CSTPP1: variants seen among roughly 807,000 people sequenced by gnomAD.
The protein encoded by CSTPP1 is UPF0705 protein C11orf49.
chr11:47,119,602 CTTTTTTTT>C, the CSTPP1 span, among the ~76,000 whole-genome samples: 1 of 61,904 alleles, frequency 1.6e-5, no homozygotes, highest in Admixed American at 2.1e-4. Context: ...CTGCCCACTT[CTTTTTTTT>C]TTTTTTTTTT....
chr11:46,997,302 A>G, the CSTPP1 span, among the ~76,000 whole-genome samples: 21 of 152,040 alleles, frequency 1.4e-4, no homozygotes, highest in African/African-American at 5.1e-4. Flanking sequence ...CATTTCATTC[A>G]TTTGATCTTC....
chr11:46,971,459 A>G, the CSTPP1 span, among the ~76,000 whole-genome samples: 1 of 152,244 alleles, frequency 6.6e-6, no homozygotes, highest in Non-Finnish European at 1.5e-5. Context: ...AAATGAGCAT[A>G]TCTTTTGATC....
chr11:47,064,821 C>T, the CSTPP1 span, among the ~76,000 whole-genome samples: 15 of 151,366 alleles, frequency 9.9e-5, no homozygotes, highest in Admixed American at 5.3e-4. Context: ...CTCAGCTCAC[C>T]GCAACCTCCA....
the CSTPP1 span, among the ~76,000 whole-genome samples, chr11:47,001,044 C>T: frequency 4.6e-5 from 7 of 152,180 alleles, no homozygotes; most frequent in Non-Finnish European, 8.8e-5. Flanking sequence ...GGGAAGTCCT[C>T]TTGGAAGAGA....
the CSTPP1 span, among the ~76,000 whole-genome samples, chr11:47,022,635 G>T: frequency 1.3e-5 from 2 of 151,950 alleles, no homozygotes; most frequent in Non-Finnish European, 2.9e-5. Flanking sequence ...CTCCCAAAGT[G>T]CTGGGATTAT....
At chr11:46,951,779 C>T in the CSTPP1 span, among the ~76,000 whole-genome samples, 1 of 152,178 alleles carries the variant, frequency 6.6e-6, no homozygotes, top group African/African-American at 2.4e-5. Flanking sequence ...ATATAGATAG[C>T]AGTTAGTGAA....
the CSTPP1 span, among the ~76,000 whole-genome samples, chr11:47,060,502 T>G: frequency 2.6e-5 from 4 of 152,028 alleles, no homozygotes; most frequent in South Asian, 2.1e-4. Context: ...CCTCCCAAAG[T>G]GCTGATTACA....
chr11:46,973,639 G>A, the CSTPP1 span, among the ~76,000 whole-genome samples: 1 of 152,256 alleles, frequency 6.6e-6, no homozygotes, highest in South Asian at 2.1e-4. Context: ...TCCCATTTAA[G>A]TACTTTCTAG....
the CSTPP1 span, among the ~76,000 whole-genome samples, chr11:47,022,061 T>G: frequency 6.6e-6 from 1 of 151,394 alleles, no homozygotes; most frequent in Non-Finnish European, 1.5e-5. Context: ...ATCACGTAAG[T>G]CATATATGTT....
chr11:47,155,062 C>A, the CSTPP1 span: 2 of 899,694 alleles, frequency 2.2e-6, no homozygotes, highest in Non-Finnish European at 3.7e-6. Flanking sequence ...GGCCCAGGAA[C>A]AGCTCTCTCT....
the CSTPP1 span, among the ~76,000 whole-genome samples, chr11:46,998,309 A>G: frequency 1.3e-5 from 2 of 152,184 alleles, no homozygotes; most frequent in African/African-American, 2.4e-5. Flanking sequence ...GCTGAGCTGT[A>G]GTGAACCAAC....
the CSTPP1 span, among the ~76,000 whole-genome samples, chr11:47,065,843 G>A: frequency 9.2e-3 from 1,398 of 151,766 alleles, 13 homozygotes; most frequent in Admixed American, 0.015. Context: ...ACCCGGGTTC[G>A]AGCAATTCAC....
chr11:47,031,256 G>T, the CSTPP1 span, among the ~76,000 whole-genome samples: 3 of 152,136 alleles, frequency 2.0e-5, no homozygotes, highest in African/African-American at 4.8e-5. Context: ...CTTTTTCTGT[G>T]CAAACAGCGT....
chr11:47,052,170 G>A, the CSTPP1 span: 1 of 413,246 alleles, frequency 2.4e-6, no homozygotes, highest in Non-Finnish European at 4.3e-6. Flanking sequence ...AAGGTGGGAA[G>A]CACTCAGAGG....
the CSTPP1 span, among the ~76,000 whole-genome samples, chr11:47,004,004 G>A: frequency 6.6e-6 from 1 of 152,000 alleles, no homozygotes; most frequent in South Asian, 2.1e-4. Flanking sequence ...TTCATTGTGT[G>A]TTGTTCTCCT....
At chr11:47,147,688 A>C in the CSTPP1 span, among the ~76,000 whole-genome samples, 3 of 152,194 alleles carry the variant, frequency 2.0e-5, no homozygotes, top group African/African-American at 7.2e-5. Flanking sequence ...AAGTGGCTGC[A>C]GGTGGTCTCG....
At chr11:47,157,844 C>T in the CSTPP1 span, 1 of 1,614,148 alleles carries the variant, frequency 6.2e-7, no homozygotes, top group South Asian at 1.1e-5. Flanking sequence ...CAAAGAGGCC[C>T]TCAGCAATGT....
the CSTPP1 span, among the ~76,000 whole-genome samples, chr11:46,975,897 A>G: frequency 6.6e-6 from 1 of 152,224 alleles, no homozygotes; most frequent in Non-Finnish European, 1.5e-5. Context: ...AGTGGGACAG[A>G]ATCTGTGGGA....
the CSTPP1 span, among the ~76,000 whole-genome samples, chr11:47,134,189 T>A: frequency 5.9e-5 from 9 of 152,056 alleles, no homozygotes; most frequent in South Asian, 2.1e-4. Flanking sequence ...TGAGTTAATT[T>A]TTTTTTATTT....
Sources: gnomAD v4.1 joint callset for allele counts (sites outside exome capture counted in the v4.1 genomes callset) on GRCh38, gnomAD v4.1.1 for gene constraint, MANE v1.5 for transcripts, NCBI Gene and HGNC (gene_info 2026-07-23, HGNC 2026-07-21) for gene names.